The following ZNF197 variants were observed in gnomAD, a reference collection of about 807,000 sequenced individuals.
ZNF197 encodes zinc finger protein 197.
ZNF197 carries 14 observed loss-of-function variants against 27.4 expected under a neutral mutation model. That is an observed-to-expected ratio of 0.51 (90% confidence interval 0.34 to 0.80). The LOEUF is 0.80. Ranked by LOEUF, ZNF197 falls within the 30% of genes least tolerant of loss-of-function variation. ZNF197 has a pLI of 0.02. For missense variants in ZNF197, 1,090 were observed against 1,222.6 expected (o/e 0.89, Z 1.62); for synonymous variants, 415 against 420.0 (o/e 0.99, Z 0.15).
rs150018871 is a variant in ZNF197, at chr3:44,627,780, G to A, written c.-81-1294G>A. On this transcript the variant is annotated intron_variant, in intron 1 of 5. Coordinates refer to ENST00000344387, the MANE Select transcript of ZNF197 (RefSeq NM_006991.5). ...TGTCAAGCAGAGGTTGCGCTGAGCC[G>A]AGATCATGCCACTGCACTCCAGCCT... is the stretch of plus-strand genomic sequence containing the variant. Among the ~76,000 whole-genome samples the A allele has an allele frequency of 3.3e-4, 49 of 148,648 alleles. 1 individual carries two copies. The East Asian group carries it at 7.3e-3, about 22-fold the overall frequency.
chr3:44,641,173 G>A (rs1175661789), intron 5 of ZNF197, among the ~76,000 whole-genome samples: 1 of 152,094 alleles, frequency 6.6e-6, no homozygotes, highest in African/African-American at 2.4e-5. Flanking sequence ...TTGGATATTA[G>A]TTTAGCCTCA....
rs1047989042 is a variant in ZNF197 at position 44,644,762 on chromosome 3, G to C, written c.*542G>C. On this transcript the variant is annotated 3_prime_UTR_variant, in exon 6 of 6. Transcript: ENST00000344387. ...GGGCTGGGTGCAGTGGCTCACTCCTGTAGTCCCAGGACTTTGGGAGGCCGA... is the reference window on the plus strand; with the variant it reads ...GGGCTGGGTGCAGTGGCTCACTCCTCTAGTCCCAGGACTTTGGGAGGCCGA... 2.0e-6 allele frequency: 2 copies of C among 985,408 alleles called. No individual in the cohort carries two copies. Among genetic ancestry groups the C allele is most frequent in the African/African-American group, 3.5e-5 (2 of 57,244 alleles). The allele number at this position is 985,408 out of a possible 1,614,324, so 61.0% of individuals were successfully genotyped here.
intron 5 of ZNF197, among the ~76,000 whole-genome samples, chr3:44,638,667 C>T (rs1374921212): frequency 1.3e-5 from 2 of 152,118 alleles, no homozygotes; most frequent in Non-Finnish European, 2.9e-5. Context: ...TTAGAGAGAA[C>T]ACATTCAGTC....
At chr3:44,636,024 G>A (rs934415453) in intron 5 of ZNF197, among the ~76,000 whole-genome samples, 12 of 152,110 alleles carry the variant, frequency 7.9e-5, no homozygotes, top group Admixed American at 2.6e-4. Flanking sequence ...AAACATTTTC[G>A]GCCGGCATGG....
rs372208907 is a variant in ZNF197, at chr3:44,644,038, A to C, written c.2908A>C (p.Arg970=). ...TGATTGTAGTAAAGTTTTTAGGCAA[A>C]GAAAAAACCTTACTGTACATCAGAA... ...CNDCSKVFRQ[R]KNLTVHQKIH... Residue 970 remains arginine, a synonymous_variant, in exon 6 of 6, where the codon AGA becomes CGA. Coordinates refer to ENST00000344387, the MANE Select transcript of ZNF197 (RefSeq NM_006991.5). The C allele has an allele frequency of 4.3e-6, 7 of 1,613,902 alleles. No individual in the cohort carries two copies. In the African/African-American group the frequency reaches 9.3e-5, roughly 22 times the overall value.
chr3:44,638,815 A>G (rs573237973), intron 5 of ZNF197, among the ~76,000 whole-genome samples: 1 of 152,302 alleles, frequency 6.6e-6, no homozygotes, highest in East Asian at 1.9e-4. Flanking sequence ...TAATCCTGTT[A>G]TCTCAGCCTC....
chr3:44,626,575 G>C (rs1381710162), intron 1 of ZNF197, among the ~76,000 whole-genome samples: 2 of 152,148 alleles, frequency 1.3e-5, no homozygotes, highest in Non-Finnish European at 2.9e-5. Flanking sequence ...GGAAACATGG[G>C]CAAAATATAT....
At chr3:44,637,606 C>T (rs1475371857) in intron 5 of ZNF197, among the ~76,000 whole-genome samples, 1 of 151,966 alleles carries the variant, frequency 6.6e-6, no homozygotes, top group Non-Finnish European at 1.5e-5. Context: ...TCTTACATTT[C>T]GGTCTTTTAT....
intron 5 of ZNF197, among the ~76,000 whole-genome samples, chr3:44,635,354 A>G (rs796830006): frequency 3.0e-4 from 46 of 152,318 alleles, no homozygotes; most frequent in African/African-American, 1.1e-3. Flanking sequence ...TTTGAGATAC[A>G]TTAAAGAAAT....
At chr3:44,629,662 A>G in intron 2 of ZNF197, 118 bp downstream of exon 2, 1 of 1,276,126 alleles carries the variant, frequency 7.8e-7, no homozygotes, top group East Asian at 2.6e-5. Flanking sequence ...ATAGCACACT[A>G]GCAACCTTAA....
chr3:44,631,690 T>C (rs371740374), intron 3 of ZNF197, among the ~76,000 whole-genome samples: 20 of 147,670 alleles, frequency 1.4e-4, no homozygotes, highest in East Asian at 6.0e-4. Flanking sequence ...TGTGAGCCAC[T>C]GCACCCGGCC....
chr3:44,645,301 G>A lies in ZNF197; in HGVS notation c.*1081G>A. On this transcript the variant is annotated 3_prime_UTR_variant, in exon 6 of 6. Transcript: ENST00000344387. Reference sequence around the variant, plus strand: ...AAGTTTAGAACATGGGATCATGTAAGTTTGTGTATTAAGTCAATATTAGAA... The same window carrying A: ...AAGTTTAGAACATGGGATCATGTAAATTTGTGTATTAAGTCAATATTAGAA... 1 of 985,376 alleles carries A rather than the reference G, an allele frequency of 1.0e-6. No individual in the cohort carries two copies. The highest frequency in any genetic ancestry group is 1.2e-6 in the Non-Finnish European group (1 of 829,926). The allele number at this position is 985,376 out of a possible 1,614,324, so 61.0% of individuals were successfully genotyped here.
intron 2 of ZNF197, 140 bp from the exon 3 acceptor site, chr3:44,630,922 G>T: frequency 1.7e-6 from 2 of 1,150,074 alleles, no homozygotes; most frequent in Admixed American, 1.7e-5. Context: ...AAGCTTTACT[G>T]CTGTTTTGAT....
At position 44,643,813 on chromosome 3, in the gene ZNF197, A is replaced by AATC. The variant is rs752494607; in HGVS notation, c.2683_2684insATC (p.Ile895delinsAsnLeu). The AATC allele has an allele frequency of 1.2e-6, 2 of 1,614,018 alleles. No individual in the cohort carries two copies. The highest frequency in any genetic ancestry group is 3.3e-5 in the Admixed American group (2 of 60,008). On this transcript the variant is annotated protein_altering_variant, in exon 6 of 6. Transcript: ENST00000344387. ...TAGAAATCTTATGGTACATCAAAGAATCCATACTGGAGAGAAACCTTATAA... is the reference window on the plus strand; with the variant it reads ...TAGAAATCTTATGGTACATCAAAGAAATCTCCATACTGGAGAGAAACCTTATAA...
At position 44,640,449 on chromosome 3, in the gene ZNF197, C is replaced by T. The variant is rs1702538252; in HGVS notation, c.770-1451C>T. On this transcript the variant is annotated intron_variant, in intron 5 of 5. Coordinates refer to ENST00000344387, the MANE Select transcript of ZNF197 (RefSeq NM_006991.5). This position sits in a 1 kb window ranked among gnomAD's most constrained non-coding sequence, Gnocchi z 4.0. ...CTGGAATGCAGTGGTGTGATCTCGG[C>T]TCACTGCAACCTCTACCTCCCTGGT... is the stretch of plus-strand genomic sequence containing the variant. Among the ~76,000 whole-genome samples the T allele has an allele frequency of 6.6e-6, 1 of 151,406 alleles. No individual in the cohort carries two copies. The highest frequency in any genetic ancestry group is 1.5e-5 in the Non-Finnish European group (1 of 67,816).
At position 44,631,076 on chromosome 3, in the gene ZNF197, C is replaced by T; in HGVS notation, c.405C>T (p.Val135=). 6.2e-7 allele frequency: 1 copy of T among 1,614,058 alleles called. No individual in the cohort carries two copies. The highest frequency in any genetic ancestry group is 1.1e-5 in the South Asian group (1 of 91,060). ...DGPAIQVPVL[V]KDQDTLQKVV... ...CTTGTTTCCAGGTTCCAGTCCTTGT[C>T]AAGGATCAGGACACTCTCCAGAAGG... Residue 135 remains valine, a synonymous_variant, in exon 3 of 6, where the codon GTC becomes GTT. Coordinates refer to ENST00000344387, the MANE Select transcript of ZNF197 (RefSeq NM_006991.5).
At chr3:44,639,853 G>A (rs1362271681) in intron 5 of ZNF197, among the ~76,000 whole-genome samples, 3 of 151,994 alleles carry the variant, frequency 2.0e-5, no homozygotes, top group Admixed American at 2.0e-4. Flanking sequence ...GGGCATAAGA[G>A]ATACTGATGA....
intron 4 of ZNF197, 28 bp from the exon 5 acceptor site, chr3:44,632,445 G>A: frequency 6.4e-7 from 1 of 1,560,370 alleles, no homozygotes; most frequent in South Asian, 1.2e-5. Context: ...CTGGGCATTG[G>A]TAATCTCACA....
Position 44,646,827 on chromosome 3 carries a change from G to A in ZNF197, c.*2607G>A. 1 of 326,564 alleles carries A rather than the reference G, an allele frequency of 3.1e-6. No individual in the cohort carries two copies. The highest frequency in any genetic ancestry group is 5.7e-6 in the Non-Finnish European group (1 of 176,616). The allele number at this position is 326,564 out of a possible 1,614,324, so 20.2% of individuals were successfully genotyped here. On this transcript the variant is annotated 3_prime_UTR_variant, in exon 6 of 6. Coordinates refer to ENST00000344387, the MANE Select transcript of ZNF197 (RefSeq NM_006991.5). ...AATGGCCAATTGATTTTTGACAGGG[G>A]CAAAAGCAATTCAATGGAGGAGGGA...
Sources: gnomAD v4.1 joint callset for allele counts (sites outside exome capture counted in the v4.1 genomes callset) on GRCh38, gnomAD v4.1.1 for gene constraint, Gnocchi (gnomAD v3.1) non-coding constraint, MANE v1.5 for transcripts, NCBI Gene and HGNC (gene_info 2026-07-23, HGNC 2026-07-21) for gene names.